The following PLOD3 variants were observed in gnomAD, a reference collection of about 807,000 sequenced individuals.
PLOD3 encodes the protein procollagen-lysine,2-oxoglutarate 5-dioxygenase 3, also known as multifunctional procollagen lysine hydroxylase and glycosyltransferase LH3.
Under a neutral mutation model 96.9 loss-of-function variants are expected in PLOD3, and 73 were observed. The observed-to-expected ratio is 0.75, with a 90% CI of 0.62 to 0.92. The LOEUF is 0.92. Among genes scored for constraint, PLOD3 ranks in the 40% least tolerant of loss-of-function variants. The pLI, the probability that PLOD3 is intolerant of heterozygous loss-of-function variation, is 0.00. For synonymous variants in PLOD3, 454 were observed against 413.7 expected (o/e 1.10, Z -1.18); for missense variants, 1,004 against 1,004.3 (o/e 1.00, Z 0.00).
rs1339194085 is a variant in PLOD3, at chr7:101,206,824, G to A, written c.2016C>T (p.Thr672=). Reference sequence around the variant, plus strand: ...GGTTGAGGGCAACGTTGAGGGTGAAGGTGGATGAGTCGTGGTGTGGCCGCA... The same window carrying A: ...GGTTGAGGGCAACGTTGAGGGTGAAAGTGGATGAGTCGTGGTGTGGCCGCA... ...PSLRPHHDSS[T]FTLNVALNHK... Residue 672 remains threonine, a synonymous_variant, in exon 18 of 19, where the codon ACC becomes ACT. Coordinates refer to ENST00000223127, the MANE Select transcript of PLOD3 (RefSeq NM_001084.5). 12 of 1,579,150 alleles carry A rather than the reference G, an allele frequency of 7.6e-6. No individual in the cohort carries two copies. Among genetic ancestry groups the A allele is most frequent in the Non-Finnish European group, 1.0e-5 (12 of 1,162,262 alleles).
Position 101,210,660 on chromosome 7 carries a change from C to G in PLOD3, c.1372G>C (p.Val458Leu). ...VQRKRVGVWN[V>L]PYISQAYVIR... is the part of the protein sequence containing the mutation. Reference sequence around the variant, plus strand: ...ACATAGGCCTGGGAGATGTATGGTACATTCCACACACCCCTGGAGGCACCG... The same window carrying G: ...ACATAGGCCTGGGAGATGTATGGTAGATTCCACACACCCCTGGAGGCACCG... Residue 458 changes from valine (V) to leucine (L), a missense_variant, in exon 13 of 19, where the codon GTA becomes CTA. Val to Leu is a conservative substitution (Grantham distance 32). Coordinates refer to ENST00000223127, the MANE Select transcript of PLOD3 (RefSeq NM_001084.5). The G allele has an allele frequency of 6.2e-7, 1 of 1,614,050 alleles. No homozygotes were observed. The highest frequency in any genetic ancestry group is 8.5e-7 in the Non-Finnish European group (1 of 1,180,030).
chr7:101,209,263 G>A (rs1423590599), intron 15 of PLOD3, among the ~76,000 whole-genome samples: 1 of 151,778 alleles, frequency 6.6e-6, no homozygotes, highest in Non-Finnish European at 1.5e-5. Context: ...CTGGAGTGCA[G>A]TGGCACAATC....
intron 16 of PLOD3, chr7:101,208,603 C>G: frequency 2.1e-6 from 1 of 478,892 alleles, no homozygotes; most frequent in South Asian, 1.9e-5. Context: ...CCCAGGCTGG[C>G]CTCAAACTCC....
chr7:101,210,630 G>C lies in PLOD3; in HGVS notation c.1402C>G (p.Arg468Gly), dbSNP rs75592752. 6,234 of 1,614,082 alleles carry C rather than the reference G, an allele frequency of 3.9e-3. 401 individuals carry two copies. The East Asian group carries it at 0.12, about 32-fold the overall frequency. The change falls in exon 13 of 19, where the codon CGG becomes GGG. Residue 468 changes from arginine to glycine, a missense_variant. Physicochemically the swap from Arg to Gly is moderately radical, Grantham distance 125. Transcript: ENST00000223127. The part of the protein sequence containing the change: ...VPYISQAYVI[R>G]GDTLRMELPQ... ...AGCTCCATCCGCAGGGTATCACCCC[G>C]GATCACATAGGCCTGGGAGATGTAT...
At position 101,216,146 on chromosome 7, in the gene PLOD3, G is replaced by A. The variant is rs1009696216; in HGVS notation, c.502+17C>T. 1.2e-6 allele frequency: 2 copies of A among 1,613,954 alleles called. No individual in the cohort carries two copies. The highest frequency in any genetic ancestry group is 1.7e-6 in the Non-Finnish European group (2 of 1,179,976). ...CACCGCTCTTGGCCCCTCTGCCTTG[G>A]GCACTCTGCCACTCACCACCAGAAT... is the stretch of plus-strand genomic sequence containing the variant. On this transcript the variant is annotated intron_variant, in intron 4 of 18. Coordinates refer to ENST00000223127, the MANE Select transcript of PLOD3 (RefSeq NM_001084.5).
Position 101,212,737 on chromosome 7 carries a change from C to CA in PLOD3, c.880-83dup, listed in dbSNP as rs1798206261. On this transcript the variant is annotated intron_variant, in intron 8 of 18. Coordinates refer to ENST00000223127, the MANE Select transcript of PLOD3 (RefSeq NM_001084.5). Reference sequence around the variant, plus strand: ...CACCCAACCTCCACCCTGACAGGTGCAGGGACCCAGGAGCGATGCCCCCAC... The same window carrying CA: ...CACCCAACCTCCACCCTGACAGGTGCAAGGGACCCAGGAGCGATGCCCCCAC... 7.5e-6 allele frequency: 12 copies of CA among 1,592,398 alleles called. No homozygotes were observed. In the South Asian group the frequency reaches 1.2e-4, roughly 16 times the overall value.
chr7:101,212,541 G>A lies in PLOD3; in HGVS notation c.994C>T (p.Leu332=), dbSNP rs1798201447. ...CAGGGGAGTCTCACGTTGTTGTGCA[G>A]GAAAAGGGTGACCCTGTCGGGGGGA... ...DYPPDRVTLF[L]HNNEVFHEPH... Residue 332 remains leucine, a synonymous_variant, in exon 9 of 19, where the codon CTG becomes TTG. Coordinates refer to ENST00000223127, the MANE Select transcript of PLOD3 (RefSeq NM_001084.5). 1 of 1,613,932 alleles carries A rather than the reference G, an allele frequency of 6.2e-7. No individual in the cohort carries two copies. Among genetic ancestry groups the A allele is most frequent in the Non-Finnish European group, 8.5e-7 (1 of 1,179,924 alleles).
In PLOD3 at chr7:101,206,870, CG is replaced by C. The variant is rs1271239866; in HGVS notation, c.1969del (p.Arg657GlyfsTer43). Reference protein sequence around the residue: ...RAVMNFVVRYRPDEQPSLRPH... With the variant: ...RAVMNFVVRYXPDEQPSLRPH... ...CCGCAGAGACGGCTGCTCGTCTGGC[CG>C]GTAGCGAACCACAAAGTTCATCACC... On this transcript the variant is annotated frameshift_variant, in exon 18 of 19. Coordinates refer to ENST00000223127, the MANE Select transcript of PLOD3 (RefSeq NM_001084.5). LOFTEE classifies it high-confidence loss of function. 1.3e-6 allele frequency: 2 copies of C among 1,560,058 alleles called. No individual in the cohort carries two copies. The highest frequency in any genetic ancestry group is 1.7e-6 in the Non-Finnish European group (2 of 1,151,654).
intron 12 of PLOD3, 63 bp from the exon 13 acceptor site, chr7:101,210,736 C>G: frequency 1.9e-6 from 3 of 1,593,932 alleles, no homozygotes; most frequent in Non-Finnish European, 2.6e-6. Flanking sequence ...CCAGCTCATC[C>G]CGGGAAGTCC....
At chr7:101,210,810 G>A (rs1431626977) in intron 12 of PLOD3, 137 bp from the exon 13 acceptor site, 9 of 915,670 alleles carry the variant, frequency 9.8e-6, no homozygotes, top group Non-Finnish European at 1.3e-5. Context: ...GTCAAGCACT[G>A]CTGGTCCCAA....
intron 18 of PLOD3, 97 bp downstream of exon 18, chr7:101,206,682 G>T: frequency 7.3e-7 from 1 of 1,370,548 alleles, no homozygotes; most frequent in Non-Finnish European, 1.0e-6. Context: ...CTGGGAAATG[G>T]GCAGGGAGGG....
rs186225619 is a variant in PLOD3 at position 101,210,515 on chromosome 7, C to T, written c.1500+17G>A. The T allele has an allele frequency of 4.3e-4, 688 of 1,614,174 alleles. 1 individual carries two copies. The African/African-American group carries it at 6.9e-3, about 16-fold the overall frequency. ...CTGGGGGACTGCCCCCAGGCCAGAC[C>T]GTGCACCCGCGCTCACCTTGTCTCG... On this transcript the variant is annotated intron_variant, in intron 13 of 18. Transcript: ENST00000223127.
At position 101,211,929 on chromosome 7, in the gene PLOD3, G is replaced by A. The variant is rs767540894; in HGVS notation, c.1149C>T (p.Pro383=). The part of the protein sequence containing the change: ...DMAMDLCRQD[P]ECEFYFSLDA... ...CCAGGCTGAAGTAGAACTCACACTC[G>A]GGGTCCTGCCGACACAGGTCCCTGG... Residue 383 remains proline, a synonymous_variant, in exon 11 of 19, where the codon CCC becomes CCT. Coordinates refer to ENST00000223127, the MANE Select transcript of PLOD3 (RefSeq NM_001084.5). 30 of 1,607,556 alleles carry A rather than the reference G, an allele frequency of 1.9e-5. No individual in the cohort carries two copies. The East Asian group carries it at 4.0e-4, about 22-fold the overall frequency.
At position 101,210,327 on chromosome 7, in the gene PLOD3, T is replaced by C. The variant is rs1798161043; in HGVS notation, c.1614+4A>G. The C allele has an allele frequency of 6.2e-7, 1 of 1,610,256 alleles. No individual in the cohort carries two copies. Among genetic ancestry groups the C allele is most frequent in the Non-Finnish European group, 8.5e-7 (1 of 1,176,570 alleles). ...TGTGCTCTGGGCGTGGGGTCCCCAC[T>C]CACGACGGGGTTGTCGAAGATCTGC... On this transcript the variant is annotated splice_donor_region_variant and intron_variant, in intron 14 of 18. Transcript: ENST00000223127.
chr7:101,208,846 C>T lies in PLOD3; in HGVS notation c.1788+7G>A. 6.3e-7 allele frequency: 1 copy of T among 1,587,708 alleles called. No individual in the cohort carries two copies. The highest frequency in any genetic ancestry group is 2.2e-5 in the East Asian group (1 of 44,748). On this transcript the variant is annotated splice_region_variant and intron_variant, in intron 16 of 18. Coordinates refer to ENST00000223127, the MANE Select transcript of PLOD3 (RefSeq NM_001084.5). ...AAGGCCTCTGCCCTCCTCGCCCAGG[C>T]CCTTACCTCATGCCGGCCGCCTGAC...
Position 101,216,773 on chromosome 7 carries a change from C to T in PLOD3, c.123G>A (p.Val41=), listed in dbSNP as rs112321807. 4.7e-3 allele frequency: 7,646 copies of T among 1,612,726 alleles called. 75 individuals carry two copies. Among genetic ancestry groups the T allele is most frequent in the South Asian group, 0.024 (2,187 of 91,020 alleles). ...CGGTTTCAGCTGTGGCCACAGTGAT[C>T]ACCAGCAGCTTCTCTGTTACCAGAG... is the stretch of plus-strand genomic sequence containing the variant. The part of the protein sequence containing the change: ...RDPVNPEKLL[V]ITVATAETEG... Residue 41 remains valine, a synonymous_variant, in exon 2 of 19, where the codon GTG becomes GTA. Coordinates refer to ENST00000223127, the MANE Select transcript of PLOD3 (RefSeq NM_001084.5).
At chr7:101,213,005 C>A (rs1275099901) in intron 7 of PLOD3, 62 bp from the exon 8 acceptor site, 8 of 1,426,586 alleles carry the variant, frequency 5.6e-6, no homozygotes, top group South Asian at 4.6e-5. Context: ...GGGGGTCAGG[C>A]ACCTCTGATA....
At chr7:101,212,775 C>T (rs1191144696) in intron 8 of PLOD3, 67 bp downstream of exon 8, 18 of 1,566,884 alleles carry the variant, frequency 1.1e-5, no homozygotes, top group Admixed American at 3.4e-5. Context: ...CCCCCCAGTC[C>T]GCTGTCCTTG....
intron 2 of PLOD3, 67 bp from the exon 3 acceptor site, chr7:101,216,613 T>C (rs1022959448): frequency 1.8e-5 from 29 of 1,610,406 alleles, no homozygotes; most frequent in Non-Finnish European, 2.3e-5. Flanking sequence ...CTGACCAGGC[T>C]TACCGTGGGG....
Sources: gnomAD v4.1 joint callset for allele counts (sites outside exome capture counted in the v4.1 genomes callset) on GRCh38, gnomAD v4.1.1 for gene constraint, MANE v1.5 for transcripts, NCBI Gene and HGNC (gene_info 2026-07-23, HGNC 2026-07-21) for gene names.